Variants in NRG3 observed in about 807,000 individuals in gnomAD.
NRG3 encodes neuregulin 3.
NRG3 carries 31 observed loss-of-function variants against 66.9 expected under a neutral mutation model. The ratio of observed to expected loss-of-function variants is 0.46; its 90% CI spans 0.35 to 0.63. The LOEUF (loss-of-function observed/expected upper bound fraction) is 0.63. Among genes scored for constraint, NRG3 ranks in the 20% least tolerant of loss-of-function variants. The pLI is 0.00. For synonymous variants in NRG3, 393 were observed against 359.4 expected (o/e 1.09, Z -1.06); for missense variants, 910 against 878.9 (o/e 1.04, Z -0.45).
chr10:82,336,579 G>A (rs1484650173), intron 1 of NRG3, among the ~76,000 whole-genome samples: 1 of 147,302 alleles, frequency 6.8e-6, no homozygotes, highest in African/African-American at 2.5e-5. Flanking sequence ...CTGGAATGCA[G>A]TGGTGCAGTC....
rs540992955 is a variant in NRG3 at position 82,329,499 on chromosome 10, A to G, written c.824-29240A>G. Among the ~76,000 whole-genome samples the G allele has an allele frequency of 2.0e-5, 3 of 149,696 alleles. No homozygotes were observed. In the East Asian group the frequency reaches 5.9e-4, roughly 30 times the overall value. On this transcript the variant is annotated intron_variant, in intron 1 of 8. Transcript: ENST00000372141. ...ACTGGAAATTACATTTCAGGGGCAC[A>G]TGCCTAGTTTGGGACAGATTGAAAT... is the stretch of plus-strand genomic sequence containing the variant.
chr10:81,929,263 TCTC>T (rs1389324907), intron 1 of NRG3, among the ~76,000 whole-genome samples: 2 of 152,286 alleles, frequency 1.3e-5, no homozygotes, highest in South Asian at 2.1e-4. Flanking sequence ...CATCTGTTCT[TCTC>T]CTCCTCAATG....
At chr10:82,865,513 C>A in intron 4 of NRG3, 76 bp downstream of exon 4, 1 of 1,410,520 alleles carries the variant, frequency 7.1e-7, no homozygotes, top group Non-Finnish European at 9.8e-7. Context: ...TTTCCTTCTC[C>A]ATCTGGTTAT....
At chr10:82,840,181 G>A (rs988978808) in intron 3 of NRG3, among the ~76,000 whole-genome samples, 4 of 152,088 alleles carry the variant, frequency 2.6e-5, no homozygotes, top group African/African-American at 4.8e-5. Flanking sequence ...AGCAACTGTA[G>A]GAAACTGACA....
At chr10:82,166,716 C>T (rs182261967) in intron 1 of NRG3, 1 of 603,810 alleles carries the variant, frequency 1.7e-6, no homozygotes, top group Non-Finnish European at 3.0e-6. Flanking sequence ...GCTCTTCATT[C>T]TTTTGTTTAG....
At chr10:82,844,626 A>G (rs12415782) in intron 3 of NRG3, among the ~76,000 whole-genome samples, 17,312 of 151,646 alleles carry the variant, frequency 0.11, 1,081 homozygotes, top group South Asian at 0.2. Context: ...TTTACAGGAT[A>G]GTACAAAATA....
intron 2 of NRG3, among the ~76,000 whole-genome samples, chr10:82,455,568 C>CTTCATAA (rs1472638016): frequency 6.6e-6 from 1 of 151,038 alleles, no homozygotes. Context: ...GTTTACTGTA[C>CTTCATAA]ACTACTATGG....
chr10:82,320,648 G>T (rs767191157), intron 1 of NRG3, among the ~76,000 whole-genome samples: 1 of 152,094 alleles, frequency 6.6e-6, no homozygotes, highest in African/African-American at 2.4e-5. Context: ...ATGTACACTA[G>T]CCAGAAACAG....
chr10:82,450,537 C>T (rs1222333163), intron 2 of NRG3, among the ~76,000 whole-genome samples: 4 of 152,106 alleles, frequency 2.6e-5, no homozygotes, highest in African/African-American at 7.2e-5. Context: ...AGAAATCTGC[C>T]TACACCCTCT....
At chr10:82,207,750 GTGAATGAGT>G (rs2075193169) in intron 1 of NRG3, among the ~76,000 whole-genome samples, 1 of 152,150 alleles carries the variant, frequency 6.6e-6, no homozygotes, top group Non-Finnish European at 1.5e-5. Context: ...AAAGAGAAGA[GTGAATGAGT>G]GAAGGGGGAA....
At chr10:82,743,294 G>C (rs529515944) in intron 3 of NRG3, among the ~76,000 whole-genome samples, 2 of 152,016 alleles carry the variant, frequency 1.3e-5, no homozygotes, top group Non-Finnish European at 2.9e-5. Flanking sequence ...ACTTCGATTC[G>C]CACTTTGTTT....
At chr10:82,294,463 GTA>G (rs1217487051) in intron 1 of NRG3, among the ~76,000 whole-genome samples, 30 of 138,576 alleles carry the variant, frequency 2.2e-4, no homozygotes, top group Non-Finnish European at 3.1e-4. Flanking sequence ...GTGTGTGTGT[GTA>G]TGTGTGTGTT....
chr10:82,783,507 A>T (rs2060208060), intron 3 of NRG3, among the ~76,000 whole-genome samples: 1 of 151,992 alleles, frequency 6.6e-6, no homozygotes, highest in Non-Finnish European at 1.5e-5. Context: ...ACTTCAGCAA[A>T]GTCTCAGGAT....
intron 2 of NRG3, among the ~76,000 whole-genome samples, chr10:82,736,749 T>G (rs1429695570): frequency 6.6e-6 from 1 of 152,174 alleles, no homozygotes; most frequent in Non-Finnish European, 1.5e-5. Flanking sequence ...AAAGAACACT[T>G]AAAAAGCAAA....
intron 1 of NRG3, among the ~76,000 whole-genome samples, chr10:81,930,263 C>T (rs1226919833): frequency 6.6e-6 from 1 of 152,166 alleles, no homozygotes; most frequent in African/African-American, 2.4e-5. Context: ...GTATGGTCTC[C>T]AGCAAGATGG....
At chr10:82,245,019 C>T (rs982495076) in intron 1 of NRG3, among the ~76,000 whole-genome samples, 13 of 152,064 alleles carry the variant, frequency 8.5e-5, no homozygotes, top group Admixed American at 3.3e-4. Context: ...TGTGAGCCAC[C>T]GCACCCAGCC....
chr10:82,007,390 AGTAGAGACGGGGTTTCACAAT>A (rs1425565044), intron 1 of NRG3, among the ~76,000 whole-genome samples: 1 of 151,678 alleles, frequency 6.6e-6, no homozygotes, highest in Non-Finnish European at 1.5e-5. Flanking sequence ...TTATATTTTT[AGTAGAGACGGGGTTTCACAAT>A]GTTGGCCAGA....
At chr10:82,408,448 T>C (rs1354564988) in intron 2 of NRG3, among the ~76,000 whole-genome samples, 1 of 152,082 alleles carries the variant, frequency 6.6e-6, no homozygotes, top group Non-Finnish European at 1.5e-5. Flanking sequence ...TCAGACATGA[T>C]ATTTTAACTA....
intron 2 of NRG3, among the ~76,000 whole-genome samples, chr10:82,661,689 T>A (rs1342811503): frequency 6.6e-6 from 1 of 152,212 alleles, no homozygotes; most frequent in Non-Finnish European, 1.5e-5. Flanking sequence ...TAGCCAGAGC[T>A]AAGACCATGT....
Sources: gnomAD v4.1 joint callset for allele counts (sites outside exome capture counted in the v4.1 genomes callset) on GRCh38, gnomAD v4.1.1 for gene constraint, MANE v1.5 for transcripts, NCBI Gene and HGNC (gene_info 2026-07-23, HGNC 2026-07-21) for gene names.